The following DGLUCY variants were observed in gnomAD, a reference collection of about 807,000 sequenced individuals.
DGLUCY encodes D-glutamate cyclase.
In DGLUCY, 58 loss-of-function variants were observed where a neutral mutation model predicts 58.5. That is an observed-to-expected ratio of 0.99 (90% CI 0.80 to 1.23). DGLUCY has a LOEUF of 1.23. Among genes scored for constraint, DGLUCY ranks in the 50% most tolerant of loss-of-function variants. DGLUCY has a pLI of 0.00. For synonymous variants in DGLUCY, 325 were observed against 314.1 expected (o/e 1.03, Z -0.37); for missense variants, 779 against 784.7 (o/e 0.99, Z 0.09).
intron 1 of DGLUCY, among the ~76,000 whole-genome samples, chr14:91,139,506 GA>G (rs2046529970): frequency 6.6e-6 from 1 of 152,176 alleles, no homozygotes; most frequent in Non-Finnish European, 1.5e-5. Context: ...CCAACATGGT[GA>G]AACCCCGTCT....
intron 1 of DGLUCY, among the ~76,000 whole-genome samples, chr14:91,129,651 G>GTT (rs1452884694): frequency 6.8e-6 from 1 of 146,146 alleles, no homozygotes; most frequent in South Asian, 2.2e-4. Flanking sequence ...TTTGTTTTTT[G>GTT]TTTTTTTTTT....
At chr14:91,141,479 A>T (rs1366807697) in intron 1 of DGLUCY, among the ~76,000 whole-genome samples, 1 of 151,650 alleles carries the variant, frequency 6.6e-6, no homozygotes, top group Non-Finnish European at 1.5e-5. Flanking sequence ...TAGAACGATC[A>T]CATGAGATCC....
chr14:91,103,789 G>A (rs368392701), upstream of DGLUCY, among the ~76,000 whole-genome samples: 2 of 150,942 alleles, frequency 1.3e-5, no homozygotes, highest in East Asian at 1.9e-4. Flanking sequence ...AAACACACAC[G>A]CACACACAAA....
In DGLUCY at chr14:91,170,195, A is replaced by C. The variant is rs972116473; in HGVS notation, c.450A>C (p.Ala150=). 6.2e-7 allele frequency: 1 copy of C among 1,613,352 alleles called. No individual in the cohort carries two copies. The part of the protein sequence containing the change: ...RDPAGHSQAG[A]YKTTVPCVTH... ...CAGCAGGTCACAGCCAGGCGGGTGC[A>C]TACAAGGTAGGGACACAGCCCACAG... The change falls in exon 5 of 14, where the codon GCA becomes GCC. Residue 150 remains alanine, a synonymous_variant. Coordinates refer to ENST00000256324, the MANE Select transcript of DGLUCY (RefSeq NM_001102368.3).
rs1206099368 is a variant in DGLUCY at position 91,167,306 on chromosome 14, C to T, written c.185C>T (p.Pro62Leu). 6.2e-7 allele frequency: 1 copy of T among 1,614,004 alleles called. No individual in the cohort carries two copies. The highest frequency in any genetic ancestry group is 8.5e-7 in the Non-Finnish European group (1 of 1,179,968). The change falls in exon 4 of 14, where the codon CCT (proline) becomes CTT (leucine). Residue 62 changes from proline (P) to leucine (L), a missense_variant. Physicochemically the swap from Pro to Leu is moderately conservative, Grantham distance 98. Coordinates refer to ENST00000256324, the MANE Select transcript of DGLUCY (RefSeq NM_001102368.3). ...FERFCQVNTG[P>L]LPLLGQSEPE... is the part of the protein sequence containing the mutation. The stretch of plus-strand genomic sequence containing the variant: ...AGATTCTGCCAGGTCAACACTGGTC[C>T]TCTACCCCTGCTGGGCCAGAGTGAG...
chr14:91,212,539 A>G (rs1022534202), intron 12 of DGLUCY, among the ~76,000 whole-genome samples: 1 of 152,040 alleles, frequency 6.6e-6, no homozygotes, highest in African/African-American at 2.4e-5. Context: ...TTCATTGAAT[A>G]TAAGATGTCA....
intron 11 of DGLUCY, among the ~76,000 whole-genome samples, chr14:91,202,086 G>A (rs1169876506): frequency 6.4e-5 from 3 of 46,870 alleles, no homozygotes; most frequent in Non-Finnish European, 5.2e-5. Flanking sequence ...TAATAATAAT[G>A]TGATAATTTG....
Position 91,160,337 on chromosome 14 carries a change from A to G in DGLUCY, c.43A>G (p.Ile15Val), listed in dbSNP as rs766812923. 4 of 1,612,372 alleles carry G rather than the reference A, an allele frequency of 2.5e-6. No individual in the cohort carries two copies. The highest frequency in any genetic ancestry group is 1.7e-6 in the Non-Finnish European group (2 of 1,179,500). The change falls in exon 3 of 14, where the codon ATA becomes GTA. Residue 15 changes from isoleucine to valine, a missense_variant. Physicochemically the swap from Ile to Val is conservative, Grantham distance 29. Transcript: ENST00000256324. ...LHLRSRLPSAIRSLILQKKPN... is the reference protein window; with the variant it reads ...LHLRSRLPSAVRSLILQKKPN... ...CCTGAGGTCCCGCCTTCCCTCTGCC[A>G]TAAGGAGTTTGATTCTACAAAAGAA...
In DGLUCY at chr14:91,154,753, C is replaced by T. The variant is rs540355115; in HGVS notation, c.-81-2886C>T. On this transcript the variant is annotated intron_variant, in intron 1 of 13. Coordinates refer to ENST00000256324, the MANE Select transcript of DGLUCY (RefSeq NM_001102368.3). ...CTTTGGCTGCCCTGCTGTCCGTCCC[C>T]GACCTGCAGCCCTACTAGCTTCCTA... Among the ~76,000 whole-genome samples, 44 of 152,328 alleles carry T rather than the reference C, an allele frequency of 2.9e-4. 1 individual carries two copies. The highest frequency in any genetic ancestry group is 9.1e-4 in the African/African-American group (38 of 41,568).
intron 1 of DGLUCY, among the ~76,000 whole-genome samples, chr14:91,099,606 C>T (rs1346354048): frequency 6.6e-6 from 1 of 151,734 alleles, no homozygotes; most frequent in African/African-American, 2.4e-5. Context: ...GATCTGTTCC[C>T]TTAGGTGAAT....
chr14:91,199,116 C>T (rs187963113), intron 10 of DGLUCY, among the ~76,000 whole-genome samples: 140 of 152,292 alleles, frequency 9.2e-4, no homozygotes, highest in African/African-American at 3.2e-3. Context: ...TACTCTCAGC[C>T]TCTTGGCCTG....
intron 12 of DGLUCY, 21 bp from the exon 13 acceptor site, chr14:91,215,384 A>C (rs1224554922): frequency 2.4e-5 from 38 of 1,584,030 alleles, no homozygotes; most frequent in Non-Finnish European, 3.3e-5. Flanking sequence ...TCCATGATGG[A>C]ATCTTGTTTT....
chr14:91,123,365 A>G (rs1234396229), intron 1 of DGLUCY, among the ~76,000 whole-genome samples: 1 of 152,218 alleles, frequency 6.6e-6, no homozygotes, highest in African/African-American at 2.4e-5. Flanking sequence ...TGAAGCAATA[A>G]ACGCTGCCCT....
At chr14:91,115,897 C>T (rs2044907664) in intron 1 of DGLUCY, among the ~76,000 whole-genome samples, 1 of 152,180 alleles carries the variant, frequency 6.6e-6, no homozygotes, top group African/African-American at 2.4e-5. Context: ...TGCTGGTTTG[C>T]CAAAGTCCCC....
At chr14:91,223,302 A>T (rs1887770698) in intron 13 of DGLUCY, among the ~76,000 whole-genome samples, 1 of 152,212 alleles carries the variant, frequency 6.6e-6, no homozygotes. Flanking sequence ...ACACATACTT[A>T]GCAGGTGTTC....
intron 1 of DGLUCY, among the ~76,000 whole-genome samples, chr14:91,139,053 C>T (rs928259181): frequency 1.3e-5 from 2 of 152,138 alleles, no homozygotes; most frequent in Non-Finnish European, 2.9e-5. Context: ...TATAGACAAA[C>T]AGATTTAGTA....
chr14:91,066,046 A>G (rs918637162), intron 1 of DGLUCY, among the ~76,000 whole-genome samples: 1 of 152,222 alleles, frequency 6.6e-6, no homozygotes, highest in African/African-American at 2.4e-5. Context: ...AAGAGTAATC[A>G]AGAAAAGACC....
chr14:91,077,928 T>C (rs966317541), intron 1 of DGLUCY, among the ~76,000 whole-genome samples: 9 of 143,982 alleles, frequency 6.3e-5, no homozygotes, highest in African/African-American at 2.3e-4. Flanking sequence ...ACTGAAATAA[T>C]TTTCTTTTCA....
chr14:91,131,630 C>T (rs1386355306), intron 1 of DGLUCY, among the ~76,000 whole-genome samples: 1 of 152,104 alleles, frequency 6.6e-6, no homozygotes, highest in African/African-American at 2.4e-5. Flanking sequence ...CCCACCCCAC[C>T]ACAGGCCCCG....
Sources: gnomAD v4.1 joint callset for allele counts (sites outside exome capture counted in the v4.1 genomes callset) on GRCh38, gnomAD v4.1.1 for gene constraint, MANE v1.5 for transcripts, NCBI Gene and HGNC (gene_info 2026-07-23, HGNC 2026-07-21) for gene names.